Variants in SERPINB8 observed in about 807,000 individuals in gnomAD.
SERPINB8 encodes serpin family B member 8.
Under a neutral mutation model 35.3 loss-of-function variants are expected in SERPINB8, and 25 were observed. That is an observed-to-expected ratio of 0.71 (90% confidence interval 0.52 to 0.99). The LOEUF is 0.99. SERPINB8 is among the 50% of genes least tolerant of loss of function. The pLI is 0.00. For synonymous variants in SERPINB8, 186 were observed against 160.8 expected (o/e 1.16, Z -1.19); for missense variants, 484 against 446.5 (o/e 1.08, Z -0.76).
In SERPINB8 at chr18:63,970,140, G is replaced by GCGGCGA; in HGVS notation, c.-36_-35insACGGCG. The GCGGCGA allele has an allele frequency of 2.7e-6, 1 of 366,526 alleles. No individual in the cohort carries two copies. The allele number at this position is 366,526 out of a possible 1,614,324, so 22.7% of individuals were successfully genotyped here. On this transcript the variant is annotated 5_prime_UTR_variant, in exon 1 of 7. Transcript: ENST00000397985. Reference sequence around the variant, plus strand: ...AATAGTCAAAGCAGCAGCGGCGGCGGCGGCGGCGGCAGCAGCAGCAGCAGC... The same window carrying GCGGCGA: ...AATAGTCAAAGCAGCAGCGGCGGCGGCGGCGACGGCGGCGGCAGCAGCAGCAGCAGC...
In SERPINB8 at chr18:63,979,875, C is replaced by T. The variant is rs907257739; in HGVS notation, c.243C>T (p.Gly81=). 49 of 1,613,826 alleles carry T rather than the reference C, an allele frequency of 3.0e-5. 1 individual carries two copies. The highest frequency in any genetic ancestry group is 5.0e-5 in the Admixed American group (3 of 60,000). Residue 81 remains glycine, a synonymous_variant, in exon 3 of 7, where the codon GGC becomes GGT. Transcript: ENST00000397985. ...TTCTCAGTGAAGTTAACAGAACTGG[C>T]ACTCAGTACTTGCTTAGAACTGCCA... The part of the protein sequence containing the change: ...QSLLSEVNRT[G]TQYLLRTANR...
At chr18:63,994,747 G>T (rs73961863) in intron 1 of SERPINB8, among the ~76,000 whole-genome samples, 4 of 152,246 alleles carry the variant, frequency 2.6e-5, no homozygotes, top group African/African-American at 7.2e-5. Context: ...GGTCCTCTGG[G>T]TCTACAATGA....
intron 2 of SERPINB8, 54 bp downstream of exon 2, chr18:63,978,530 A>G: frequency 1.3e-6 from 2 of 1,590,486 alleles, no homozygotes; most frequent in Admixed American, 1.7e-5. Context: ...TTGTGCTTCC[A>G]TACAGCTGTC....
In SERPINB8 at chr18:63,987,253, T is replaced by C; in HGVS notation, c.1100T>C (p.Phe367Ser). 6.2e-7 allele frequency: 1 copy of C among 1,613,584 alleles called. No homozygotes were observed. The highest frequency in any genetic ancestry group is 8.5e-7 in the Non-Finnish European group (1 of 1,179,572). The change falls in exon 7 of 7, where the codon TTC (phenylalanine) becomes TCC (serine). Residue 367 changes from phenylalanine (F) to serine (S), a missense_variant. Coordinates refer to ENST00000397985, the MANE Select transcript of SERPINB8 (RefSeq NM_002640.4). ...IRHHKTNCILFCGRFSSP is the reference protein window; with the variant it reads ...IRHHKTNCILSCGRFSSP ...CACCACAAAACCAACTGCATCTTGTTCTGTGGCAGGTTCTCTTCTCCGTAA... is the reference window on the plus strand; with the variant it reads ...CACCACAAAACCAACTGCATCTTGTCCTGTGGCAGGTTCTCTTCTCCGTAA...
chr18:63,986,869 C>T lies in SERPINB8; in HGVS notation c.721-5C>T, dbSNP rs1168204742. 2 of 1,599,676 alleles carry T rather than the reference C, an allele frequency of 1.3e-6. No homozygotes were observed. The highest frequency in any genetic ancestry group is 1.7e-6 in the Non-Finnish European group (2 of 1,174,428). On this transcript the variant is annotated splice_region_variant and splice_polypyrimidine_tract_variant and intron_variant, in intron 6 of 6. Coordinates refer to ENST00000397985, the MANE Select transcript of SERPINB8 (RefSeq NM_002640.4). ...ATTTTAAGGTTTGAGTCTTTCTTAT[C>T]CTAGGTGGAAAAAGCACTTACATAT...
downstream of SERPINB8, among the ~76,000 whole-genome samples, chr18:64,007,154 T>A (rs1350569909): frequency 6.6e-6 from 1 of 151,972 alleles, no homozygotes; most frequent in Non-Finnish European, 1.5e-5. Flanking sequence ...TAATTATAGA[T>A]GCAGCAGAGA....
At chr18:63,974,594 A>G (rs1351539727) in intron 1 of SERPINB8, among the ~76,000 whole-genome samples, 1 of 152,218 alleles carries the variant, frequency 6.6e-6, no homozygotes, top group Non-Finnish European at 1.5e-5. Context: ...TGGAAATAAA[A>G]ACTTCTGATT....
Position 63,970,186 on chromosome 18 carries a change from A to G in SERPINB8, c.-11+16A>G. On this transcript the variant is annotated intron_variant, in intron 1 of 6. Transcript: ENST00000397985. ...GCAGCAGGAGGTGGGGGCCTCTGCC[A>G]GGTACCGGGCGGGGCAGGCACGGAG... 1 of 326,254 alleles carries G rather than the reference A, an allele frequency of 3.1e-6. No homozygotes were observed. Among genetic ancestry groups the G allele is most frequent in the Non-Finnish European group, 6.0e-6 (1 of 166,980 alleles). The allele number at this position is 326,254 out of a possible 1,614,324, so 20.2% of individuals were successfully genotyped here.
chr18:63,990,572 T>C (rs1185246789), downstream of SERPINB8, among the ~76,000 whole-genome samples: 1 of 152,166 alleles, frequency 6.6e-6, no homozygotes, highest in Non-Finnish European at 1.5e-5. Context: ...ATGTGCAGGT[T>C]TGTTACATAT....
chr18:63,979,705 C>T, intron 2 of SERPINB8, 96 bp from the exon 3 acceptor site: 2 of 1,442,918 alleles, frequency 1.4e-6, no homozygotes, highest in Non-Finnish European at 1.9e-6. Context: ...AAGTAGGATC[C>T]TGTGTGGTTT....
At chr18:64,018,932 T>G (rs2050962894) in exon 8 of SERPINB8, 1 of 152,146 alleles carries the variant, frequency 6.6e-6, no homozygotes, top group African/African-American at 2.4e-5. Context: ...TAACCTCCAT[T>G]TATGATCAAA....
At chr18:64,005,917 C>T (rs1352356763), downstream of SERPINB8, among the ~76,000 whole-genome samples, 1 of 152,084 alleles carries the variant, frequency 6.6e-6, no homozygotes, top group Non-Finnish European at 1.5e-5. Flanking sequence ...GGTAATTTTA[C>T]AACTTCAAGC....
At chr18:63,981,983 A>G in intron 4 of SERPINB8, 145 bp downstream of exon 4, 3 of 617,832 alleles carry the variant, frequency 4.9e-6, no homozygotes, top group South Asian at 2.1e-5. Context: ...CAGGCCAGCA[A>G]TGCAACTCTG....
Position 63,978,398 on chromosome 18 carries a change from C to T in SERPINB8, c.90C>T (p.Phe30=), listed in dbSNP as rs757727999. 2.5e-6 allele frequency: 4 copies of T among 1,614,100 alleles called. No individual in the cohort carries two copies. Among genetic ancestry groups the T allele is most frequent in the South Asian group, 1.1e-5 (1 of 91,088 alleles). Residue 30 remains phenylalanine, a synonymous_variant, in exon 2 of 7, where the codon TTC becomes TTT. Coordinates refer to ENST00000397985, the MANE Select transcript of SERPINB8 (RefSeq NM_002640.4). The part of the protein sequence containing the change: ...GEEDNSRNVF[F]SPMSISSALA... ...AGGACAACTCAAGAAACGTATTCTT[C>T]TCTCCCATGAGCATCTCCTCTGCCC...
At chr18:64,002,679 G>A (rs1298081897) in intron 1 of SERPINB8, among the ~76,000 whole-genome samples, 3 of 152,038 alleles carry the variant, frequency 2.0e-5, no homozygotes, top group Admixed American at 6.5e-5. Context: ...CCGCGGCGGG[G>A]TGAGGCCTTG....
chr18:63,970,183 G>T lies in SERPINB8; in HGVS notation c.-11+13G>T. The T allele has an allele frequency of 3.0e-6, 1 of 329,048 alleles. No individual in the cohort carries two copies. The highest frequency in any genetic ancestry group is 5.9e-6 in the Non-Finnish European group (1 of 168,400). 20.4% of individuals were successfully genotyped at this position (329,048 alleles called of 1,614,324 possible). A position where few individuals can be genotyped will look rare whatever the true frequency, so the allele number is the denominator to read the frequency against. On this transcript the variant is annotated intron_variant, in intron 1 of 6. Coordinates refer to ENST00000397985, the MANE Select transcript of SERPINB8 (RefSeq NM_002640.4). ...GCAGCAGCAGGAGGTGGGGGCCTCT[G>T]CCAGGTACCGGGCGGGGCAGGCACG...
intron 1 of SERPINB8, among the ~76,000 whole-genome samples, chr18:63,974,496 A>C (rs888453996): frequency 6.6e-6 from 1 of 152,176 alleles, no homozygotes; most frequent in Non-Finnish European, 1.5e-5. Context: ...TTTTTCTGTG[A>C]GTCCTGTGGA....
chr18:64,015,535 T>C (rs1249600988), intron 7 of SERPINB8, among the ~76,000 whole-genome samples: 2 of 152,224 alleles, frequency 1.3e-5, no homozygotes, highest in Non-Finnish European at 2.9e-5. Context: ...TTCATTACTT[T>C]GTAAGCTTTT....
At chr18:63,984,880 GT>G (rs11432695) in intron 5 of SERPINB8, among the ~76,000 whole-genome samples, 6 of 141,442 alleles carry the variant, frequency 4.2e-5, no homozygotes, top group Non-Finnish European at 8.0e-5. Context: ...TTACCAAACT[GT>G]TTTTTTTTTC....
Sources: gnomAD v4.1 joint callset for allele counts (sites outside exome capture counted in the v4.1 genomes callset) on GRCh38, gnomAD v4.1.1 for gene constraint, MANE v1.5 for transcripts, NCBI Gene and HGNC (gene_info 2026-07-23, HGNC 2026-07-21) for gene names.